Variants in SMAD3 observed in about 807,000 individuals in gnomAD.
The protein encoded by SMAD3 is MAD homolog 3.
A neutral mutation model predicts 51.8 loss-of-function variants in SMAD3; 12 were observed. That is an observed-to-expected ratio of 0.23 (90% CI 0.15 to 0.38). The LOEUF (loss-of-function observed/expected upper bound fraction) is 0.38, where lower values mean the gene tolerates loss of function less well. Among genes scored for constraint, SMAD3 ranks in the 10% least tolerant of loss-of-function variants. SMAD3 has a pLI of 1.00. For synonymous variants in SMAD3, 238 were observed against 227.7 expected (o/e 1.05, Z -0.41); for missense variants, 294 against 565.6 (o/e 0.52, Z 4.87).
At chr15:67,103,036 G>A (rs1960795145) in intron 1 of SMAD3, among the ~76,000 whole-genome samples, 1 of 152,082 alleles carries the variant, frequency 6.6e-6, no homozygotes, top group South Asian at 2.1e-4. Context: ...TCCCAGCTCT[G>A]GTATGTAGTA....
chr15:67,167,395 G>T (rs1962621571), intron 4 of SMAD3, among the ~76,000 whole-genome samples: 1 of 152,150 alleles, frequency 6.6e-6, no homozygotes, highest in African/African-American at 2.4e-5. Flanking sequence ...GGGAGGGCCT[G>T]CCACACAGGG....
chr15:67,127,570 A>G (rs1218270784), intron 1 of SMAD3, among the ~76,000 whole-genome samples: 1 of 151,962 alleles, frequency 6.6e-6, no homozygotes, highest in Admixed American at 6.6e-5. Context: ...GCATATTAAT[A>G]CTCACCTGGC....
intron 1 of SMAD3, among the ~76,000 whole-genome samples, chr15:67,080,421 TGG>T (rs1960256172): frequency 6.6e-6 from 1 of 151,966 alleles, no homozygotes; most frequent in Non-Finnish European, 1.5e-5. Flanking sequence ...ATGGAGCAGG[TGG>T]GGGTGGCAGT....
chr15:67,147,857 C>T (rs1300723364), intron 1 of SMAD3, among the ~76,000 whole-genome samples: 9 of 152,164 alleles, frequency 5.9e-5, no homozygotes, highest in Admixed American at 3.3e-4. Flanking sequence ...ATGACAGCTA[C>T]GACTGCCACT....
At chr15:67,101,951 A>G (rs1023713987) in intron 1 of SMAD3, among the ~76,000 whole-genome samples, 1 of 152,220 alleles carries the variant, frequency 6.6e-6, no homozygotes, top group African/African-American at 2.4e-5. Context: ...TGGGAGTTGT[A>G]CTTGACACAG....
intron 1 of SMAD3, among the ~76,000 whole-genome samples, chr15:67,159,124 G>A (rs1274379974): frequency 6.6e-6 from 1 of 151,616 alleles, no homozygotes; most frequent in Admixed American, 6.6e-5. Flanking sequence ...AGGCTGGAGT[G>A]CTCTGGTGCA....
rs113758516 is a variant in SMAD3, at chr15:67,180,628, C to G, written c.659-613C>G. Among the ~76,000 whole-genome samples the G allele has an allele frequency of 6.8e-3, 1,032 of 151,626 alleles. 20 individuals carry two copies. Among genetic ancestry groups the G allele is most frequent in the African/African-American group, 0.024 (991 of 41,226 alleles). On this transcript the variant is annotated intron_variant, in intron 5 of 8. Coordinates refer to ENST00000327367, the MANE Select transcript of SMAD3 (RefSeq NM_005902.4). ...CAGATGATGCCTGGTGTGTCCACTGCGCCAACATGGGGCGCTGTTGGGAAC... is the reference window on the plus strand; with the variant it reads ...CAGATGATGCCTGGTGTGTCCACTGGGCCAACATGGGGCGCTGTTGGGAAC...
intron 1 of SMAD3, among the ~76,000 whole-genome samples, chr15:67,102,524 G>C (rs1200892272): frequency 6.6e-6 from 1 of 152,128 alleles, no homozygotes; most frequent in Non-Finnish European, 1.5e-5. Context: ...GTTCATATCT[G>C]TCCTCATCTG....
intron 1 of SMAD3, among the ~76,000 whole-genome samples, chr15:67,094,761 T>A (rs1256095307): frequency 6.6e-6 from 1 of 152,240 alleles, no homozygotes; most frequent in East Asian, 1.9e-4. Context: ...CTTTAACCCT[T>A]TAATCAGACC....
chr15:67,164,507 C>A (rs1003678832), intron 1 of SMAD3, among the ~76,000 whole-genome samples: 2 of 152,212 alleles, frequency 1.3e-5, no homozygotes, highest in African/African-American at 4.8e-5. Flanking sequence ...TTCCCCAGCC[C>A]TGTCCCCTCT....
intron 1 of SMAD3, among the ~76,000 whole-genome samples, chr15:67,084,076 T>TC (rs1960335998): frequency 8.0e-6 from 1 of 125,716 alleles, no homozygotes; most frequent in Admixed American, 7.5e-5. Flanking sequence ...TTTTCTTTTT[T>TC]TTTTTTTTTT....
chr15:67,097,335 C>T (rs1217164218), intron 1 of SMAD3, among the ~76,000 whole-genome samples: 1 of 152,204 alleles, frequency 6.6e-6, no homozygotes, highest in Non-Finnish European at 1.5e-5. Context: ...CCACCTCAGC[C>T]TCCTGAGTAG....
intron 1 of SMAD3, among the ~76,000 whole-genome samples, chr15:67,141,565 G>A (rs1222308857): frequency 6.6e-6 from 1 of 152,168 alleles, no homozygotes; most frequent in Non-Finnish European, 1.5e-5. Context: ...AGCAGAGAGA[G>A]TCCAGCCAGG....
chr15:67,191,740 A>C lies in SMAD3; in HGVS notation c.*1204A>C, dbSNP rs924273601. On this transcript the variant is annotated 3_prime_UTR_variant, in exon 9 of 9. Coordinates refer to ENST00000327367, the MANE Select transcript of SMAD3 (RefSeq NM_005902.4). ...ATCTCAGGCCAACATAGGCAAATGA[A>C]AAGGGCTATTAAAATATTTTTACAC... The C allele has an allele frequency of 8.7e-6, 2 of 230,934 alleles. No homozygotes were observed. The highest frequency in any genetic ancestry group is 8.6e-6 in the Non-Finnish European group (1 of 116,640). 14.3% of individuals were successfully genotyped at this position (230,934 alleles called of 1,614,324 possible). A position where few individuals can be genotyped will look rare whatever the true frequency, so the allele number is the denominator to read the frequency against.
intron 1 of SMAD3, among the ~76,000 whole-genome samples, chr15:67,078,830 G>C (rs1250519204): frequency 6.6e-6 from 1 of 152,108 alleles, no homozygotes; most frequent in Admixed American, 6.5e-5. Context: ...TAACTTATTT[G>C]AGCTTCCTTT....
At chr15:67,136,328 CTT>C (rs11355676) in intron 1 of SMAD3, among the ~76,000 whole-genome samples, 106 of 137,092 alleles carry the variant, frequency 7.7e-4, no homozygotes, top group African/African-American at 9.3e-4. Flanking sequence ...GTCAGTCATT[CTT>C]TTTTTTTTTT....
intron 1 of SMAD3, among the ~76,000 whole-genome samples, chr15:67,154,889 A>C (rs1307147205): frequency 6.6e-6 from 1 of 152,180 alleles, no homozygotes; most frequent in African/African-American, 2.4e-5. Context: ...CAAAGAAAAA[A>C]TTGTCTTGCT....
chr15:67,126,990 G>A (rs1410631269), intron 1 of SMAD3, among the ~76,000 whole-genome samples: 1 of 152,174 alleles, frequency 6.6e-6, no homozygotes, highest in Non-Finnish European at 1.5e-5. Context: ...CCACTGCCTG[G>A]TATGTTTTGG....
chr15:67,077,247 A>G (rs1960190460), intron 1 of SMAD3, among the ~76,000 whole-genome samples: 2 of 151,940 alleles, frequency 1.3e-5, no homozygotes, highest in South Asian at 4.1e-4. Context: ...GTACGTATGT[A>G]TGTATGTATG....
Sources: allele counts gnomAD v4.1 joint callset (sites outside exome capture counted in the v4.1 genomes callset), GRCh38; gene constraint gnomAD v4.1.1; transcripts MANE v1.5; gene names NCBI Gene and HGNC (gene_info 2026-07-23, HGNC 2026-07-21).